The following ACCSL variants were observed in gnomAD, a reference collection of about 807,000 sequenced individuals.
The protein encoded by ACCSL is probable inactive 1-aminocyclopropane-1-carboxylate synthase-like protein 2.
A neutral mutation model predicts 61.7 loss-of-function variants in ACCSL; 55 were observed. The observed-to-expected ratio is 0.89, with a 90% CI of 0.72 to 1.12. The LOEUF (loss-of-function observed/expected upper bound fraction) is 1.12. Among genes scored for constraint, ACCSL ranks in the 50% most tolerant of loss-of-function variants. The probability of loss-of-function intolerance (pLI) is 0.00; values close to 1 mark genes in which losing one functional copy is unlikely to be tolerated. For synonymous variants in ACCSL, 258 were observed against 264.3 expected (o/e 0.98, Z 0.23); for missense variants, 632 against 698.0 (o/e 0.91, Z 1.07).
the ACCSL span, among the ~76,000 whole-genome samples, chr11:44,034,559 A>AAGAG: frequency 1.3e-5 from 2 of 151,380 alleles, no homozygotes; most frequent in Admixed American, 6.6e-5. Context: ...GGTGGCAAGC[A>AAGAG]AGAGAGAGAG....
chr11:43,987,728 A>G, the ACCSL span, among the ~76,000 whole-genome samples: 1 of 152,084 alleles, frequency 6.6e-6, no homozygotes, highest in Non-Finnish European at 1.5e-5. Flanking sequence ...GGCATCACAG[A>G]GCCGGAGACC....
the ACCSL span, among the ~76,000 whole-genome samples, chr11:44,019,210 G>A: frequency 6.6e-5 from 10 of 152,140 alleles, no homozygotes; most frequent in African/African-American, 2.4e-4. Context: ...TCCACGTTGG[G>A]GCTATTATGA....
At chr11:44,020,761 CT>C in the ACCSL span, among the ~76,000 whole-genome samples, 1 of 152,060 alleles carries the variant, frequency 6.6e-6, no homozygotes, top group Non-Finnish European at 1.5e-5. Flanking sequence ...CATGCATAGT[CT>C]TTTATTCCTC....
upstream of ACCSL, among the ~76,000 whole-genome samples, chr11:44,046,559 A>G (rs1020271821): frequency 3.3e-5 from 5 of 152,260 alleles, no homozygotes; most frequent in South Asian, 2.1e-4. Flanking sequence ...TGCAATGGGA[A>G]CATCACAGGC....
chr11:43,929,316 C>G, the ACCSL span, among the ~76,000 whole-genome samples: 1 of 152,186 alleles, frequency 6.6e-6, no homozygotes, highest in East Asian at 1.9e-4. Context: ...ATCTCCTAAG[C>G]TCAAATGATC....
chr11:44,016,663 C>T, the ACCSL span, among the ~76,000 whole-genome samples: 1 of 152,046 alleles, frequency 6.6e-6, no homozygotes, highest in African/African-American at 2.4e-5. Context: ...CCTTGAAAGC[C>T]CTTTCCAATA....
chr11:43,923,646 T>C, the ACCSL span, among the ~76,000 whole-genome samples: 20 of 152,362 alleles, frequency 1.3e-4, no homozygotes, highest in East Asian at 3.1e-3. Context: ...CTACAGTGAC[T>C]AATGGTGCCT....
chr11:44,047,517 A>T (rs149083354), upstream of ACCSL, among the ~76,000 whole-genome samples: 1 of 152,216 alleles, frequency 6.6e-6, no homozygotes, highest in Non-Finnish European at 1.5e-5. Flanking sequence ...GCCATAATCA[A>T]GACATAAATA....
the ACCSL span, among the ~76,000 whole-genome samples, chr11:44,016,235 C>T: frequency 5.3e-5 from 8 of 152,172 alleles, no homozygotes; most frequent in Admixed American, 2.0e-4. Flanking sequence ...CAGTCAGGGA[C>T]ACAGATCCTG....
At chr11:44,005,134 G>C in the ACCSL span, among the ~76,000 whole-genome samples, 29 of 136,734 alleles carry the variant, frequency 2.1e-4, no homozygotes, top group African/African-American at 6.7e-4. Context: ...CATTGTACAC[G>C]ACAGCTGTAG....
the ACCSL span, among the ~76,000 whole-genome samples, chr11:44,039,278 A>C: frequency 3.9e-5 from 6 of 152,130 alleles, no homozygotes. Flanking sequence ...TTCCAGAATC[A>C]CCTGTCATGC....
intron 6 of ACCSL, 46 bp downstream of exon 6, chr11:44,052,805 C>G: frequency 6.4e-7 from 1 of 1,571,876 alleles, no homozygotes; most frequent in Non-Finnish European, 8.8e-7. Flanking sequence ...AGACAATGGA[C>G]TGTTCTGGGG....
the ACCSL span, among the ~76,000 whole-genome samples, chr11:44,020,281 A>G: frequency 1.4e-5 from 2 of 140,696 alleles, no homozygotes; most frequent in African/African-American, 5.4e-5. Context: ...AAATAGAGAT[A>G]GTTTTACTCC....
chr11:44,030,051 TGG>T, the ACCSL span, among the ~76,000 whole-genome samples: 3 of 127,702 alleles, frequency 2.3e-5, no homozygotes, highest in Non-Finnish European at 4.9e-5. Context: ...CTTGTTTCTT[TGG>T]TTGATTTTTT....
At chr11:44,010,149 T>C in the ACCSL span, among the ~76,000 whole-genome samples, 2 of 152,312 alleles carry the variant, frequency 1.3e-5, no homozygotes, top group Admixed American at 1.3e-4. Flanking sequence ...GAGACCAGCC[T>C]GACCAACATG....
the ACCSL span, among the ~76,000 whole-genome samples, chr11:44,008,381 G>A: frequency 6.6e-6 from 1 of 152,230 alleles, no homozygotes; most frequent in Admixed American, 6.5e-5. Flanking sequence ...GACTGCAGGA[G>A]TCTCTGCTCA....
chr11:44,004,149 G>A, the ACCSL span, among the ~76,000 whole-genome samples: 2 of 152,020 alleles, frequency 1.3e-5, no homozygotes, highest in East Asian at 3.9e-4. Flanking sequence ...ATGTGGAAGG[G>A]GGAAACTGAG....
upstream of ACCSL, among the ~76,000 whole-genome samples, chr11:44,047,100 C>T (rs1034183635): frequency 1.4e-4 from 22 of 152,180 alleles, no homozygotes; most frequent in African/African-American, 4.3e-4. Context: ...TCTCAGGTCT[C>T]ACCCCAGACA....
At chr11:44,033,800 A>T in the ACCSL span, among the ~76,000 whole-genome samples, 1 of 152,058 alleles carries the variant, frequency 6.6e-6, no homozygotes, top group East Asian at 1.9e-4. Context: ...GAAAAGACTG[A>T]CTTCACTGAG....
Sources: gnomAD v4.1 joint callset for allele counts (sites outside exome capture counted in the v4.1 genomes callset) on GRCh38, gnomAD v4.1.1 for gene constraint, MANE v1.5 for transcripts, NCBI Gene and HGNC (gene_info 2026-07-23, HGNC 2026-07-21) for gene names.